The following GPATCH2L variants were observed in gnomAD, a reference collection of about 807,000 sequenced individuals.
GPATCH2L encodes G patch domain-containing protein 2-like.
A neutral mutation model predicts 57.4 loss-of-function variants in GPATCH2L; 31 were observed. The ratio of observed to expected loss-of-function variants is 0.54; its 90% confidence interval spans 0.41 to 0.73. The LOEUF (loss-of-function observed/expected upper bound fraction) is 0.73. GPATCH2L is among the 30% of genes least tolerant of loss of function. GPATCH2L has a pLI of 0.00. For missense variants in GPATCH2L, 481 were observed against 599.9 expected, an observed-to-expected ratio of 0.80 and a Z score of 2.07; for synonymous variants, 199 against 210.7, an observed-to-expected ratio of 0.94 and a Z score of 0.48.
rs2040435106 is a variant in GPATCH2L at position 76,211,067 on chromosome 14, T to A, written c.*9216T>A. On this transcript the variant is annotated 3_prime_UTR_variant, in exon 10 of 10. Transcript: ENST00000261530. ...GCAGTGGAAGAAGTAAAAAAAAACA[T>A]TGAAAGAAATCCTGAAGGATAAGCA... 6.6e-6 allele frequency: 1 copy of A among 151,934 alleles called. No homozygotes were observed. Among genetic ancestry groups the A allele is most frequent in the Non-Finnish European group, 1.5e-5 (1 of 67,980 alleles). The allele number at this position is 151,934 out of a possible 1,614,324, so 9.4% of individuals were successfully genotyped here. A position where few individuals can be genotyped will look rare whatever the true frequency, so the allele number is the denominator to read the frequency against.
At chr14:76,201,060 C>T (rs1162284999) in intron 9 of GPATCH2L, among the ~76,000 whole-genome samples, 1 of 152,180 alleles carries the variant, frequency 6.6e-6, no homozygotes, top group Non-Finnish European at 1.5e-5. Context: ...CAAGCCATGT[C>T]TCCTGTCCAG....
chr14:76,232,936 A>G (rs1173676983), intron 2 of GPATCH2L, among the ~76,000 whole-genome samples: 1 of 152,168 alleles, frequency 6.6e-6, no homozygotes, highest in Non-Finnish European at 1.5e-5. Context: ...GCATGGCCCA[A>G]TGTCCCCATC....
At chr14:76,196,437 G>GTTTTGTT (rs368248518) in intron 9 of GPATCH2L, 2 of 129,538 alleles carry the variant, frequency 1.5e-5, no homozygotes, top group South Asian at 2.0e-4. Context: ...AAACTTTTCA[G>GTTTTGTT]TTTTTTTTTT....
chr14:76,214,481 T>C (rs1031015426), downstream of GPATCH2L: 6 of 152,354 alleles, frequency 3.9e-5, no homozygotes, highest in East Asian at 7.7e-4. Context: ...TTATTTCTTA[T>C]GGTTTCACAG....
intron 1 of GPATCH2L, chr14:76,152,588 C>G (rs971646013): frequency 4.4e-6 from 2 of 449,818 alleles, no homozygotes; most frequent in Non-Finnish European, 9.0e-6. Context: ...CGGGTGCGTG[C>G]CTGGCCGCCG....
chr14:76,171,331 T>C (rs2039073785), intron 3 of GPATCH2L, among the ~76,000 whole-genome samples: 1 of 151,012 alleles, frequency 6.6e-6, no homozygotes, highest in African/African-American at 2.4e-5. Context: ...TCCCAGCACT[T>C]TGGGAGGCCG....
At position 76,156,897 on chromosome 14, in the gene GPATCH2L, A is replaced by G. The variant is rs113549971; in HGVS notation, c.662+1872A>G. On this transcript the variant is annotated intron_variant, in intron 2 of 9. Coordinates refer to ENST00000261530, the MANE Select transcript of GPATCH2L (RefSeq NM_017926.4). The stretch of plus-strand genomic sequence containing the variant: ...GTTCCTTCTTACTCCAGACACATCT[A>G]TTGCACATTCTAGTCAGGATGTAAT... 5.6e-3 allele frequency among the ~76,000 whole-genome samples: 860 copies of G among 152,306 alleles called. 6 individuals are homozygous for G. The highest frequency in any genetic ancestry group is 9.9e-3 in the Non-Finnish European group (675 of 68,020).
chr14:76,225,762 A>G (rs879718878), intron 1 of GPATCH2L, among the ~76,000 whole-genome samples: 7 of 152,240 alleles, frequency 4.6e-5, no homozygotes, highest in Non-Finnish European at 1.0e-4. Context: ...TTACAAATCA[A>G]TGAAAACAAA....
chr14:76,212,938 T>A lies in GPATCH2L; in HGVS notation c.*11087T>A, dbSNP rs977813997. 1 of 152,062 alleles carries A rather than the reference T, an allele frequency of 6.6e-6. No homozygotes were observed. The highest frequency in any genetic ancestry group is 1.5e-5 in the Non-Finnish European group (1 of 67,992). 9.4% of individuals were successfully genotyped at this position (152,062 alleles called of 1,614,324 possible). On this transcript the variant is annotated 3_prime_UTR_variant, in exon 10 of 10. Coordinates refer to ENST00000261530, the MANE Select transcript of GPATCH2L (RefSeq NM_017926.4). ...GGGTTGATTAGGAAATGCAAAGTAT[T>A]AAAAAAACATTTCATATCTAAAATA...
At chr14:76,189,881 A>G (rs1324892373) in intron 8 of GPATCH2L, among the ~76,000 whole-genome samples, 1 of 151,998 alleles carries the variant, frequency 6.6e-6, no homozygotes, top group African/African-American at 2.4e-5. Context: ...TTCCTTCTAT[A>G]CCCAGTTTTT....
At chr14:76,193,308 G>A (rs1409568015) in intron 8 of GPATCH2L, among the ~76,000 whole-genome samples, 3 of 151,942 alleles carry the variant, frequency 2.0e-5, no homozygotes, top group Non-Finnish European at 4.4e-5. Flanking sequence ...GATAATATGG[G>A]CCTTTTCCCA....
chr14:76,162,144 G>T (rs904196302), intron 2 of GPATCH2L, among the ~76,000 whole-genome samples: 24 of 152,110 alleles, frequency 1.6e-4, no homozygotes, highest in African/African-American at 5.6e-4. Flanking sequence ...TTCTCACGAG[G>T]TTATAGTCTA....
chr14:76,152,324 A>C (rs2038083250), intron 1 of GPATCH2L, among the ~76,000 whole-genome samples: 1 of 152,064 alleles, frequency 6.6e-6, no homozygotes, highest in Non-Finnish European at 1.5e-5. Context: ...TTCGAAACAC[A>C]GTTTTTGTCA....
At position 76,206,827 on chromosome 14, in the gene GPATCH2L, C is replaced by T. The variant is rs747018978; in HGVS notation, c.*4976C>T. On this transcript the variant is annotated 3_prime_UTR_variant, in exon 10 of 10. Transcript: ENST00000261530. ...AGATGTTTTAATGGACTGGTCTCCTCCTAAGCTCTGAGGTGCTCTCATATT... is the reference window on the plus strand; with the variant it reads ...AGATGTTTTAATGGACTGGTCTCCTTCTAAGCTCTGAGGTGCTCTCATATT... 7 of 152,216 alleles carry T rather than the reference C, an allele frequency of 4.6e-5. No homozygotes were observed. Among genetic ancestry groups the T allele is most frequent in the Non-Finnish European group, 8.8e-5 (6 of 68,038 alleles). 9.4% of individuals were successfully genotyped at this position (152,216 alleles called of 1,614,324 possible). A position where few individuals can be genotyped will look rare whatever the true frequency, so the allele number is the denominator to read the frequency against.
chr14:76,152,823 T>G (rs934191771), intron 1 of GPATCH2L: 9 of 453,850 alleles, frequency 2.0e-5, no homozygotes, highest in Middle Eastern at 6.5e-4. Context: ...CCTGAGTTTT[T>G]AAAGCAGTAA....
At chr14:76,169,017 T>A (rs1426317529) in intron 3 of GPATCH2L, among the ~76,000 whole-genome samples, 1 of 152,228 alleles carries the variant, frequency 6.6e-6, no homozygotes, top group Non-Finnish European at 1.5e-5. Flanking sequence ...AGTCTAGGAA[T>A]GGTAAGGGCC....
In GPATCH2L at chr14:76,208,876, A is replaced by G. The variant is rs4903387; in HGVS notation, c.*7025A>G. On this transcript the variant is annotated 3_prime_UTR_variant, in exon 10 of 10. Coordinates refer to ENST00000261530, the MANE Select transcript of GPATCH2L (RefSeq NM_017926.4). ...TGGCTGCATGTTAGGGTCACCTGGG[A>G]AGTTTTAAAAAGTCCTAATTCCTGG... is the stretch of plus-strand genomic sequence containing the variant. The G allele has an allele frequency of 0.22, 34,063 of 152,000 alleles. 4,518 individuals are homozygous for G. Among genetic ancestry groups the G allele is most frequent in the African/African-American group, 0.37 (15,285 of 41,374 alleles). The allele number at this position is 152,000 out of a possible 1,614,324, so 9.4% of individuals were successfully genotyped here. A position where few individuals can be genotyped will look rare whatever the true frequency, so the allele number is the denominator to read the frequency against.
chr14:76,229,245 T>C (rs1168777513), intron 1 of GPATCH2L, among the ~76,000 whole-genome samples: 1 of 152,256 alleles, frequency 6.6e-6, no homozygotes, highest in Admixed American at 6.5e-5. Context: ...AGGATTGATA[T>C]TCCCTCATAT....
intron 7 of GPATCH2L, chr14:76,179,898 G>A (rs2039490205): frequency 6.6e-6 from 1 of 152,068 alleles, no homozygotes; most frequent in Non-Finnish European, 1.5e-5. Context: ...AAAATAGGTA[G>A]GGCAGGCCTG....
Sources: gnomAD v4.1 joint callset for allele counts (sites outside exome capture counted in the v4.1 genomes callset) on GRCh38, gnomAD v4.1.1 for gene constraint, MANE v1.5 for transcripts, NCBI Gene and HGNC (gene_info 2026-07-23, HGNC 2026-07-21) for gene names.